CTIF: variants seen among roughly 807,000 people sequenced by gnomAD.
CTIF encodes the protein CBP80/20-dependent translation initiation factor.
A neutral mutation model predicts 66.0 loss-of-function variants in CTIF; 21 were observed. The observed-to-expected ratio is 0.32, with a 90% CI of 0.23 to 0.46. The LOEUF is 0.46. Ranked by LOEUF, CTIF falls within the 20% of genes least tolerant of loss-of-function variation. The pLI is 1.00. For synonymous variants in CTIF, 345 were observed against 326.4 expected (o/e 1.06, Z -0.62); for missense variants, 739 against 812.7 (o/e 0.91, Z 1.10).
At chr18:48,852,470 A>G (rs1953353110) in intron 10 of CTIF, among the ~76,000 whole-genome samples, 1 of 151,882 alleles carries the variant, frequency 6.6e-6, no homozygotes, top group Admixed American at 6.6e-5. Flanking sequence ...CCCACCTCCA[A>G]CTTTTTCTAG....
intron 7 of CTIF, among the ~76,000 whole-genome samples, chr18:48,751,567 A>T (rs979212583): frequency 6.6e-6 from 1 of 152,188 alleles, no homozygotes. Context: ...ATGCTTTGGG[A>T]GCAGTTCAGA....
At chr18:48,552,968 C>T (rs1360675736) in intron 1 of CTIF, among the ~76,000 whole-genome samples, 1 of 152,152 alleles carries the variant, frequency 6.6e-6, no homozygotes, top group African/African-American at 2.4e-5. Context: ...AGTCTCTGAT[C>T]CTCTCATTCT....
chr18:48,629,078 C>T lies in CTIF; in HGVS notation c.181-7536C>T, dbSNP rs60815261. ...TGGGAGGAAGCCATTTCCCTTCAGC[C>T]TCAAGTCTCCCTTCAGGGAAATGAA... On this transcript the variant is annotated intron_variant, in intron 2 of 11. Coordinates refer to ENST00000256413, the MANE Select transcript of CTIF (RefSeq NM_014772.3). 3.9e-3 allele frequency among the ~76,000 whole-genome samples: 593 copies of T among 152,326 alleles called. 2 individuals are homozygous for T. The highest frequency in any genetic ancestry group is 0.013 in the African/African-American group (534 of 41,554).
intron 1 of CTIF, among the ~76,000 whole-genome samples, chr18:48,583,918 G>A (rs762402162): frequency 1.1e-4 from 16 of 152,180 alleles, no homozygotes; most frequent in African/African-American, 3.9e-4. Context: ...AGGGAGACAG[G>A]GCTGAAAACA....
chr18:48,566,467 A>G (rs937764979), intron 1 of CTIF: 2 of 152,300 alleles, frequency 1.3e-5, no homozygotes, highest in Non-Finnish European at 2.9e-5. Context: ...AGGTTCTGTG[A>G]CTGGCCAGCA....
chr18:48,558,914 A>G (rs1192592837), intron 1 of CTIF, among the ~76,000 whole-genome samples: 2 of 152,258 alleles, frequency 1.3e-5, no homozygotes, highest in African/African-American at 2.4e-5. Flanking sequence ...GAGCTAACCC[A>G]TCCTGGTAAA....
intron 10 of CTIF, among the ~76,000 whole-genome samples, chr18:48,820,715 A>G (rs1372116881): frequency 6.6e-6 from 1 of 151,948 alleles, no homozygotes; most frequent in East Asian, 1.9e-4. Context: ...CACTCACTCC[A>G]TCCCCTGCGT....
intron 3 of CTIF, among the ~76,000 whole-genome samples, chr18:48,645,309 G>C (rs752652031): frequency 1.9e-5 from 2 of 104,768 alleles, no homozygotes; most frequent in African/African-American, 6.7e-5. Flanking sequence ...ATAAAAAGCT[G>C]CTCTCTACAG....
intron 1 of CTIF, chr18:48,565,877 C>T (rs2089269755): frequency 6.6e-6 from 1 of 152,278 alleles, no homozygotes. Context: ...TAGCGTGTGC[C>T]TTCTTGCTGT....
At chr18:48,852,485 TGC>T (rs1347542348) in intron 10 of CTIF, among the ~76,000 whole-genome samples, 34 of 152,264 alleles carry the variant, frequency 2.2e-4, no homozygotes, top group Non-Finnish European at 4.3e-4. Flanking sequence ...TTCTAGAACC[TGC>T]TTACTAATCT....
intron 6 of CTIF, among the ~76,000 whole-genome samples, chr18:48,686,648 AC>A: frequency 6.6e-6 from 1 of 152,112 alleles, no homozygotes; most frequent in East Asian, 1.9e-4. Context: ...GGTGGTGGGG[AC>A]CAAAGTGTAG....
chr18:48,768,169 A>T (rs769672689), intron 9 of CTIF, among the ~76,000 whole-genome samples: 1 of 152,134 alleles, frequency 6.6e-6, no homozygotes, highest in Non-Finnish European at 1.5e-5. Flanking sequence ...AAATCAAGTC[A>T]TTCCCCTTTG....
chr18:48,760,760 G>A (rs1908910246), intron 8 of CTIF: 1 of 152,226 alleles, frequency 6.6e-6, no homozygotes, highest in African/African-American at 2.4e-5. Flanking sequence ...CCTCCTAGAA[G>A]CCCAACTGTT....
chr18:48,543,029 G>A (rs1056406930), intron 1 of CTIF, among the ~76,000 whole-genome samples: 3 of 152,230 alleles, frequency 2.0e-5, no homozygotes, highest in Admixed American at 2.0e-4. Flanking sequence ...GGGTGTAGGA[G>A]TTTCTGCCTT....
At chr18:48,729,402 A>G (rs1170356734) in intron 7 of CTIF, among the ~76,000 whole-genome samples, 1 of 152,218 alleles carries the variant, frequency 6.6e-6, no homozygotes, top group Non-Finnish European at 1.5e-5. Flanking sequence ...TGCATCTGTC[A>G]GACACTGACA....
chr18:48,578,399 A>G (rs1384679871), intron 1 of CTIF, among the ~76,000 whole-genome samples: 4 of 152,212 alleles, frequency 2.6e-5, no homozygotes, highest in African/African-American at 9.7e-5. Context: ...GAAGAACGCC[A>G]GGTTGTATTT....
At chr18:48,719,977 C>G (rs1418564783) in intron 7 of CTIF, among the ~76,000 whole-genome samples, 1 of 152,142 alleles carries the variant, frequency 6.6e-6, no homozygotes, top group Non-Finnish European at 1.5e-5. Flanking sequence ...AACAGAAACA[C>G]ATACAAAACG....
intron 5 of CTIF, among the ~76,000 whole-genome samples, chr18:48,669,795 A>ATATATT (rs2091495598): frequency 1.5e-4 from 5 of 33,798 alleles, no homozygotes; most frequent in African/African-American, 6.4e-4. Flanking sequence ...CTAAACATTT[A>ATATATT]TATATATATA....
At chr18:48,773,118 T>C (rs941731836) in intron 9 of CTIF, among the ~76,000 whole-genome samples, 11 of 152,272 alleles carry the variant, frequency 7.2e-5, no homozygotes, top group Admixed American at 7.2e-4. Flanking sequence ...TCTTGAGATG[T>C]AGAGTTCCAG....
Sources: allele counts gnomAD v4.1 joint callset (sites outside exome capture counted in the v4.1 genomes callset), GRCh38; gene constraint gnomAD v4.1.1; transcripts MANE v1.5; gene names NCBI Gene and HGNC (gene_info 2026-07-23, HGNC 2026-07-21).